RBBP8: variants seen among roughly 807,000 people sequenced by gnomAD.
RBBP8 encodes the protein RB binding protein 8, endonuclease, also known as DNA endonuclease RBBP8.
Under a neutral mutation model 108.3 loss-of-function variants are expected in RBBP8, and 88 were observed. The observed-to-expected ratio is 0.81, with a 90% CI of 0.68 to 0.97. The LOEUF is 0.97. RBBP8 is among the 50% of genes least tolerant of loss of function. The pLI, the probability that RBBP8 is intolerant of heterozygous loss-of-function variation, is 0.00. For missense variants in RBBP8, 1,023 were observed against 1,049.0 expected, an observed-to-expected ratio of 0.98 and a Z score of 0.34; for synonymous variants, 332 against 348.2, an observed-to-expected ratio of 0.95 and a Z score of 0.52.
intron 13 of RBBP8, 42 bp from the exon 14 acceptor site, chr18:22,997,578 G>A (rs760870084): frequency 8.4e-7 from 1 of 1,185,072 alleles, no homozygotes; most frequent in African/African-American, 1.5e-5. Flanking sequence ...GACCATAAAG[G>A]AATAATTGTT....
chr18:22,931,668 A>G (rs1408363010), upstream of RBBP8, among the ~76,000 whole-genome samples: 1 of 152,148 alleles, frequency 6.6e-6, no homozygotes, highest in African/African-American at 2.4e-5. Context: ...ATACCCTGTG[A>G]GGTTGGTACT....
rs1914717356 is a variant in RBBP8, at chr18:22,979,242, G to A, written c.429-2976G>A. Among the ~76,000 whole-genome samples the A allele has an allele frequency of 2.0e-5, 3 of 152,146 alleles. No homozygotes were observed. In the South Asian group the frequency reaches 6.2e-4, roughly 32 times the overall value. ...ATCGCACCACTGCACTCCAGCCTGG[G>A]CAACAGAAGGAGACTCCGTCTCAAA... is the stretch of plus-strand genomic sequence containing the variant. On this transcript the variant is annotated intron_variant, in intron 6 of 18. Coordinates refer to ENST00000327155, the MANE Select transcript of RBBP8 (RefSeq NM_002894.3).
chr18:22,921,044 T>G (rs1346336546), intron 3 of RBBP8, among the ~76,000 whole-genome samples: 1 of 152,190 alleles, frequency 6.6e-6, no homozygotes, highest in East Asian at 1.9e-4. Context: ...TTTTTAAAAG[T>G]TGAAACTTCC....
At chr18:23,006,799 G>A (rs917903319) in intron 16 of RBBP8, among the ~76,000 whole-genome samples, 5 of 152,036 alleles carry the variant, frequency 3.3e-5, no homozygotes, top group South Asian at 2.1e-4. Flanking sequence ...ACCACACCTG[G>A]CCAGTCGAGC....
intron 6 of RBBP8, among the ~76,000 whole-genome samples, chr18:22,978,795 A>G (rs756718364): frequency 2.0e-5 from 3 of 152,150 alleles, no homozygotes; most frequent in Non-Finnish European, 2.9e-5. Flanking sequence ...TGGTGACTTA[A>G]TAATGATTGT....
At chr18:23,022,749 A>G (rs989112287) in intron 18 of RBBP8, among the ~76,000 whole-genome samples, 7 of 151,410 alleles carry the variant, frequency 4.6e-5, no homozygotes, top group Admixed American at 6.6e-5. Context: ...GTTGGGTGCT[A>G]GTTTTGTGAC....
At chr18:22,994,657 AAG>A (rs1491037671) in intron 12 of RBBP8, among the ~76,000 whole-genome samples, 2 of 151,330 alleles carry the variant, frequency 1.3e-5, no homozygotes, top group African/African-American at 2.4e-5. Flanking sequence ...AAAAAAAAAA[AAG>A]AAAAAAAAAA....
intron 6 of RBBP8, among the ~76,000 whole-genome samples, chr18:22,978,706 C>T (rs997731173): frequency 6.6e-6 from 1 of 152,094 alleles, no homozygotes; most frequent in African/African-American, 2.4e-5. Flanking sequence ...TCTCATATGA[C>T]TTTAACTTAC....
chr18:23,012,758 A>C (rs977864305), intron 16 of RBBP8, among the ~76,000 whole-genome samples: 2 of 152,198 alleles, frequency 1.3e-5, no homozygotes, highest in African/African-American at 4.8e-5. Context: ...GGCTGAACTA[A>C]ACAATAGATT....
At chr18:22,961,367 T>C (rs1176211588) in intron 4 of RBBP8, among the ~76,000 whole-genome samples, 2 of 152,178 alleles carry the variant, frequency 1.3e-5, no homozygotes, top group Non-Finnish European at 2.9e-5. Flanking sequence ...ATGAAACTTA[T>C]TGCAAGCCAT....
intron 4 of RBBP8, among the ~76,000 whole-genome samples, chr18:22,951,254 G>A (rs1912011482): frequency 6.6e-6 from 1 of 152,136 alleles, no homozygotes; most frequent in African/African-American, 2.4e-5. Flanking sequence ...GATTAAATGA[G>A]ACAGTGCAAG....
intron 5 of RBBP8, among the ~76,000 whole-genome samples, chr18:22,972,636 A>G (rs1189177919): frequency 6.6e-6 from 1 of 151,808 alleles, no homozygotes; most frequent in Non-Finnish European, 1.5e-5. Context: ...CTGGCCTCGA[A>G]CTCCTAACCT....
chr18:22,915,740 A>C (rs1248372010), intron 2 of RBBP8, among the ~76,000 whole-genome samples: 1 of 152,130 alleles, frequency 6.6e-6, no homozygotes, highest in African/African-American at 2.4e-5. Flanking sequence ...AAAAATTTAA[A>C]CCACACCGTG....
intron 16 of RBBP8, among the ~76,000 whole-genome samples, chr18:23,010,375 A>G (rs2144788869): frequency 6.6e-6 from 1 of 152,276 alleles, no homozygotes; most frequent in East Asian, 1.9e-4. Context: ...GCTTTGGCGG[A>G]AGAATCGCTT....
At chr18:22,970,427 C>T (rs1022633081) in intron 5 of RBBP8, among the ~76,000 whole-genome samples, 3 of 152,174 alleles carry the variant, frequency 2.0e-5, no homozygotes, top group African/African-American at 2.4e-5. Flanking sequence ...TATAAGACAA[C>T]GTTTTTTTAA....
rs144133466 is a variant in RBBP8, at chr18:23,005,712, C to G, written c.2288-651C>G. 5.0e-3 allele frequency among the ~76,000 whole-genome samples: 764 copies of G among 152,114 alleles called. 4 individuals are homozygous for G. Among genetic ancestry groups the G allele is most frequent in the African/African-American group, 0.018 (729 of 41,526 alleles). On this transcript the variant is annotated intron_variant, in intron 15 of 18. Transcript: ENST00000327155. ...ACAGGTGTGAGCCACCACACCCGGC[C>G]AAAATTAATATTGAAAGCTGTCTTT...
At chr18:22,945,582 C>T (rs376297863) in intron 2 of RBBP8, among the ~76,000 whole-genome samples, 24 of 152,128 alleles carry the variant, frequency 1.6e-4, no homozygotes, top group African/African-American at 5.8e-4. Context: ...GGGGTTTCTC[C>T]ACGTTGATCG....
At chr18:23,022,638 A>AAAAT (rs1555650072) in intron 18 of RBBP8, among the ~76,000 whole-genome samples, 7 of 22,414 alleles carry the variant, frequency 3.1e-4, no homozygotes, top group African/African-American at 6.0e-4. Flanking sequence ...AAAATAAAAT[A>AAAAT]AATAAAATAC....
At chr18:22,982,136 G>A in intron 6 of RBBP8, 82 bp from the exon 7 acceptor site, 1 of 1,447,608 alleles carries the variant, frequency 6.9e-7, no homozygotes, top group South Asian at 1.2e-5. Context: ...TCATGTTTGT[G>A]TTCTACTGTA....
Sources: allele counts gnomAD v4.1 joint callset (sites outside exome capture counted in the v4.1 genomes callset), GRCh38; gene constraint gnomAD v4.1.1; transcripts MANE v1.5; gene names NCBI Gene and HGNC (gene_info 2026-07-23, HGNC 2026-07-21).